Variants in DOCK3 observed in about 807,000 individuals in gnomAD.
DOCK3 encodes dedicator of cytokinesis 3, also known as dedicator of cytokinesis protein 3.
Under a neutral mutation model 265.6 loss-of-function variants are expected in DOCK3, and 60 were observed. The ratio of observed to expected loss-of-function variants is 0.23; its 90% CI spans 0.18 to 0.28. The LOEUF (loss-of-function observed/expected upper bound fraction) is 0.28, where lower values mean the gene tolerates loss of function less well. DOCK3 is among the 10% of genes least tolerant of loss of function. The pLI, the probability that DOCK3 is intolerant of heterozygous loss-of-function variation, is 1.00. For synonymous variants in DOCK3, 881 were observed against 938.0 expected, an observed-to-expected ratio of 0.94 and a Z score of 1.11; for missense variants, 1,981 against 2,594.3, an observed-to-expected ratio of 0.76 and a Z score of 5.14.
chr3:50,675,167 C>T lies in DOCK3; in HGVS notation c.-97C>T. 1.1e-6 allele frequency: 1 copy of T among 912,608 alleles called. No homozygotes were observed. The highest frequency in any genetic ancestry group is 1.3e-6 in the Non-Finnish European group (1 of 747,844). 56.5% of individuals were successfully genotyped at this position (912,608 alleles called of 1,614,324 possible). ...ACTGCCCCGCGCCGCCTGACCGTCC[C>T]CGCCTCGACTCGCGGTGCGCCACAG... On this transcript the variant is annotated 5_prime_UTR_variant, in exon 1 of 53. Transcript: ENST00000266037. This position sits in a 1 kb window ranked among gnomAD's most constrained non-coding sequence, Gnocchi z 6.1.
At chr3:50,748,557 C>T (rs1576323139) in intron 1 of DOCK3, among the ~76,000 whole-genome samples, 2 of 152,094 alleles carry the variant, frequency 1.3e-5, no homozygotes, top group Non-Finnish European at 1.5e-5. Context: ...AATGTTTGTC[C>T]GCTCTTCAAG....
At chr3:51,120,161 T>G (rs1271265562) in intron 9 of DOCK3, among the ~76,000 whole-genome samples, 1 of 152,218 alleles carries the variant, frequency 6.6e-6, no homozygotes, top group Admixed American at 6.5e-5. Flanking sequence ...ATGGTCGTAT[T>G]TTTTGCTGAT....
At chr3:51,247,866 C>T (rs563007475) in intron 22 of DOCK3, among the ~76,000 whole-genome samples, 14 of 152,106 alleles carry the variant, frequency 9.2e-5, no homozygotes, top group Non-Finnish European at 1.9e-4. Flanking sequence ...GAAAGGGCCT[C>T]GGTTCTCTTC....
At chr3:51,153,686 CTGT>C (rs1226928665) in intron 10 of DOCK3, among the ~76,000 whole-genome samples, 2 of 152,168 alleles carry the variant, frequency 1.3e-5, no homozygotes, top group African/African-American at 4.8e-5. Context: ...AAAAGCCATA[CTGT>C]TGTTCATGGT....
chr3:51,000,083 T>A (rs554280327), intron 5 of DOCK3, among the ~76,000 whole-genome samples: 2 of 152,318 alleles, frequency 1.3e-5, no homozygotes, highest in South Asian at 2.1e-4. Context: ...TATATGGCTT[T>A]CTAAATTCCC....
chr3:50,698,210 A>G (rs1396438360), intron 1 of DOCK3, among the ~76,000 whole-genome samples: 1 of 151,748 alleles, frequency 6.6e-6, no homozygotes, highest in Non-Finnish European at 1.5e-5. Context: ...GCACCCCCTA[A>G]TTGGCTTTTT....
intron 1 of DOCK3, among the ~76,000 whole-genome samples, chr3:50,776,177 A>G (rs2262810): frequency 0.094 from 14,361 of 152,118 alleles, 837 homozygotes; most frequent in Non-Finnish European, 0.12. Context: ...GTTTTCTGTA[A>G]CTGTTGTACT....
rs779826124 is a variant in DOCK3 at position 51,374,426 on chromosome 3, T to C, written c.5294-43T>C. 17 of 1,572,278 alleles carry C rather than the reference T, an allele frequency of 1.1e-5. 1 individual carries two copies. In the South Asian group the frequency reaches 2.0e-4, roughly 18 times the overall value. On this transcript the variant is annotated intron_variant, in intron 49 of 52. Coordinates refer to ENST00000266037, the MANE Select transcript of DOCK3 (RefSeq NM_004947.5). This position sits in a 1 kb window ranked among gnomAD's most constrained non-coding sequence, Gnocchi z 4.8. ...ATGCTTGACTGCTGGACCCTCCATC[T>C]GTGGCTTGTCATCTGTGCTTGATTG...
chr3:51,236,267 G>C (rs1362889965), intron 19 of DOCK3, 78 bp from the exon 20 acceptor site: 3 of 1,099,270 alleles, frequency 2.7e-6, no homozygotes, highest in Non-Finnish European at 4.1e-6. Context: ...TTTATTGGAA[G>C]TTAAATTCAT....
chr3:50,868,685 A>G (rs550998869), intron 3 of DOCK3, among the ~76,000 whole-genome samples: 16 of 151,870 alleles, frequency 1.1e-4, no homozygotes, highest in Non-Finnish European at 2.2e-4. Context: ...ACTTTTTATT[A>G]TGGCTTTTAT....
intron 29 of DOCK3, 135 bp from the exon 30 acceptor site, chr3:51,312,341 G>T: frequency 3.3e-6 from 3 of 908,818 alleles, no homozygotes; most frequent in Middle Eastern, 2.6e-4. Flanking sequence ...TGTTTGCAAA[G>T]ATATTTAAAA....
At chr3:50,877,140 C>A (rs2047742440) in intron 3 of DOCK3, 1 of 281,364 alleles carries the variant, frequency 3.6e-6, no homozygotes, top group Non-Finnish European at 7.1e-6. Flanking sequence ...AATTACCAGG[C>A]ATTCCCCCTG....
chr3:50,968,395 T>C lies in DOCK3; in HGVS notation c.315+34318T>C, dbSNP rs190231114. On this transcript the variant is annotated intron_variant, in intron 5 of 52. Transcript: ENST00000266037. ...AGTTGTTTTCCATGGATGTAGTGTG[T>C]AAGGTGAAGTCTGAGCTTTTAGTGT... Among the ~76,000 whole-genome samples, 1,004 of 152,286 alleles carry C rather than the reference T, an allele frequency of 6.6e-3. 19 individuals are homozygous for C. Among genetic ancestry groups the C allele is most frequent in the Non-Finnish European group, 3.7e-3 (253 of 68,016 alleles).
intron 1 of DOCK3, among the ~76,000 whole-genome samples, chr3:50,776,157 T>C (rs1419251121): frequency 2.6e-5 from 4 of 152,136 alleles, no homozygotes; most frequent in Admixed American, 2.6e-4. Context: ...CTTTAAGGAA[T>C]CTCCATACTG....
At chr3:50,950,913 A>C (rs546309781) in intron 5 of DOCK3, among the ~76,000 whole-genome samples, 16 of 152,264 alleles carry the variant, frequency 1.1e-4, no homozygotes, top group Non-Finnish European at 1.9e-4. Flanking sequence ...ACATTTTATC[A>C]ACAAATATTG....
At chr3:51,077,161 G>C (rs938844760) in intron 7 of DOCK3, among the ~76,000 whole-genome samples, 10 of 152,146 alleles carry the variant, frequency 6.6e-5, no homozygotes, top group Admixed American at 5.9e-4. Context: ...TAAGAATGTA[G>C]ATGTTTGGAA....
intron 5 of DOCK3, among the ~76,000 whole-genome samples, chr3:50,963,858 A>C (rs1304413817): frequency 6.6e-6 from 1 of 152,224 alleles, no homozygotes; most frequent in East Asian, 1.9e-4. Context: ...CAAGGCAGTT[A>C]GAGTTGGCCG....
intron 9 of DOCK3, among the ~76,000 whole-genome samples, chr3:51,108,740 G>C (rs1472884151): frequency 6.6e-6 from 1 of 151,994 alleles, no homozygotes; most frequent in African/African-American, 2.4e-5. Flanking sequence ...TTGCAATCCT[G>C]ATTTCAGACA....
At chr3:50,894,102 A>G (rs1251822472) in intron 4 of DOCK3, among the ~76,000 whole-genome samples, 1 of 152,088 alleles carries the variant, frequency 6.6e-6, no homozygotes, top group Non-Finnish European at 1.5e-5. Context: ...CACGTTGTGC[A>G]CATGTACCCT....
Sources: gnomAD v4.1 joint callset for allele counts (sites outside exome capture counted in the v4.1 genomes callset) on GRCh38, gnomAD v4.1.1 for gene constraint, Gnocchi (gnomAD v3.1) non-coding constraint, MANE v1.5 for transcripts, NCBI Gene and HGNC (gene_info 2026-07-23, HGNC 2026-07-21) for gene names.